Variants in EVI5 observed in about 807,000 individuals in gnomAD.
EVI5 encodes ecotropic viral integration site 5 protein homolog.
In EVI5, 73 loss-of-function variants were observed where a neutral mutation model predicts 112.0. The observed-to-expected ratio is 0.65, with a 90% CI of 0.54 to 0.79. The LOEUF is 0.79. Ranked by LOEUF, EVI5 falls within the 30% of genes least tolerant of loss-of-function variation. The pLI is 0.00. For missense variants in EVI5, 900 were observed against 968.8 expected (o/e 0.93, Z 0.94); for synonymous variants, 305 against 319.9 (o/e 0.95, Z 0.50).
chr1:92,771,855 C>A (rs976455056), intron 1 of EVI5, among the ~76,000 whole-genome samples: 21 of 151,696 alleles, frequency 1.4e-4, no homozygotes, highest in African/African-American at 4.3e-4. Flanking sequence ...CTAGAATACT[C>A]TTTTTATTAT....
chr1:92,735,781 T>C (rs1385858178), intron 2 of EVI5, among the ~76,000 whole-genome samples: 1 of 144,072 alleles, frequency 6.9e-6, no homozygotes, highest in Non-Finnish European at 1.5e-5. Flanking sequence ...ATATATAACA[T>C]ATTATAAAGT....
At chr1:92,539,317 C>T (rs1257347626) in intron 19 of EVI5, among the ~76,000 whole-genome samples, 2 of 152,136 alleles carry the variant, frequency 1.3e-5, no homozygotes, top group South Asian at 4.2e-4. Flanking sequence ...CCGAGGCGGG[C>T]GGATCACGAG....
chr1:92,590,346 C>A (rs1490910227), intron 18 of EVI5, among the ~76,000 whole-genome samples: 1 of 152,000 alleles, frequency 6.6e-6, no homozygotes, highest in African/African-American at 2.4e-5. Flanking sequence ...GAACCCATGG[C>A]AAAGAAGTTA....
At chr1:92,784,774 G>T (rs1400016571) in intron 1 of EVI5, 62 bp downstream of exon 1, 2 of 973,702 alleles carry the variant, frequency 2.1e-6, no homozygotes, top group Non-Finnish European at 2.4e-6. Context: ...TGCGCCAGCG[G>T]AACACGGACT....
chr1:92,708,305 A>T (rs1417893707), intron 2 of EVI5, among the ~76,000 whole-genome samples: 5 of 152,188 alleles, frequency 3.3e-5, no homozygotes, highest in African/African-American at 1.2e-4. Context: ...AACGTGATTT[A>T]AAAATGGACA....
chr1:92,647,481 T>C, intron 13 of EVI5: 1 of 461,074 alleles, frequency 2.2e-6, no homozygotes, highest in Non-Finnish European at 4.1e-6. Flanking sequence ...TAGGATTCTC[T>C]TTGCCAGACA....
intron 13 of EVI5, among the ~76,000 whole-genome samples, chr1:92,660,139 AG>A (rs1482629499): frequency 6.6e-6 from 1 of 152,018 alleles, no homozygotes; most frequent in Non-Finnish European, 1.5e-5. Context: ...TATACTATTC[AG>A]CTGATGGTTA....
chr1:92,744,733 T>C lies in EVI5; in HGVS notation c.-81-8106A>G, dbSNP rs187888373. 3.7e-3 allele frequency among the ~76,000 whole-genome samples: 565 copies of C among 152,098 alleles called. 1 individual carries two copies. Among genetic ancestry groups the C allele is most frequent in the Non-Finnish European group, 6.7e-3 (458 of 67,994 alleles). On this transcript the variant is annotated intron_variant, in intron 1 of 19. Transcript: ENST00000684568. Reference sequence around the variant, plus strand: ...GGCATTTCTCTTACATTCTTGAAAATACAACTTTGCATTTAAAAGGATGTT... The same window carrying C: ...GGCATTTCTCTTACATTCTTGAAAACACAACTTTGCATTTAAAAGGATGTT...
intron 9 of EVI5, among the ~76,000 whole-genome samples, chr1:92,684,639 T>C (rs1203934787): frequency 6.6e-6 from 1 of 151,928 alleles, no homozygotes; most frequent in African/African-American, 2.4e-5. Flanking sequence ...CCCATCAGTG[T>C]GCTGTATTCA....
chr1:92,695,187 T>A (rs1047728568), intron 7 of EVI5, 123 bp downstream of exon 7: 5 of 701,854 alleles, frequency 7.1e-6, no homozygotes, highest in Non-Finnish European at 1.2e-5. Context: ...AATGAGATTA[T>A]CCATGTAAGC....
intron 2 of EVI5, among the ~76,000 whole-genome samples, chr1:92,719,462 T>C (rs969470631): frequency 2.6e-5 from 4 of 152,040 alleles, no homozygotes; most frequent in African/African-American, 4.8e-5. Context: ...ATTATCTCAA[T>C]AGATGCAGAA....
At position 92,513,828 on chromosome 1, in the gene EVI5, C is replaced by A. The variant is rs146602523; in HGVS notation, c.2309G>T (p.Gly770Val). The A allele has an allele frequency of 6.2e-7, 1 of 1,613,660 alleles. No homozygotes were observed. The highest frequency in any genetic ancestry group is 1.3e-5 in the African/African-American group (1 of 74,918). Residue 770 changes from glycine (G) to valine (V), a missense_variant, in exon 20 of 20, where the codon GGT becomes GTT. Transcript: ENST00000684568. ...DFIDNSLQET[G>V]VGFPLHGKSG... is the part of the protein sequence containing the mutation. ...TTTTCCGTGCAAAGGAAAACCAACA[C>A]CAGTTTCCTGTAAGGAATTATCTAT...
intron 1 of EVI5, among the ~76,000 whole-genome samples, chr1:92,761,249 G>C (rs1274612306): frequency 6.6e-6 from 1 of 151,998 alleles, no homozygotes; most frequent in Non-Finnish European, 1.5e-5. Flanking sequence ...TGAATGACAG[G>C]TAATTATATC....
chr1:92,730,886 G>A (rs1186231376), intron 2 of EVI5, among the ~76,000 whole-genome samples: 1 of 152,042 alleles, frequency 6.6e-6, no homozygotes, highest in African/African-American at 2.4e-5. Context: ...ATCCAGATTG[G>A]AAAGAAGCAA....
At chr1:92,618,509 GTA>G (rs1270699905) in intron 16 of EVI5, among the ~76,000 whole-genome samples, 1 of 152,160 alleles carries the variant, frequency 6.6e-6, no homozygotes, top group African/African-American at 2.4e-5. Context: ...GTAAAGAAGA[GTA>G]TGCATGGAAT....
rs573812748 is a variant in EVI5 at position 92,561,456 on chromosome 1, T to G, written c.2166+2186A>C. The stretch of plus-strand genomic sequence containing the variant: ...CTGTTGATTAATTTTCTTTTCATGT[T>G]TGTATAAGGTAAGACTGCTTTCTTA... On this transcript the variant is annotated intron_variant, in intron 19 of 19. Transcript: ENST00000684568. Among the ~76,000 whole-genome samples, 489 of 152,254 alleles carry G rather than the reference T, an allele frequency of 3.2e-3. 3 individuals carry two copies. The highest frequency in any genetic ancestry group is 3.3e-3 in the Non-Finnish European group (225 of 68,034).
Position 92,657,771 on chromosome 1 carries a change from G to A in EVI5, c.1392+4948C>T, listed in dbSNP as rs141811533. 1.6e-4 allele frequency among the ~76,000 whole-genome samples: 25 copies of A among 152,330 alleles called. No homozygotes were observed. The East Asian group carries it at 3.9e-3, about 24-fold the overall frequency. On this transcript the variant is annotated intron_variant, in intron 13 of 19. Coordinates refer to ENST00000684568, the MANE Select transcript of EVI5 (RefSeq NM_001350197.2). ...AGAAAAGAGGTTTAATAGGCTTATG[G>A]TTCTGCAAGCTGTACAGGAAGCACT... is the stretch of plus-strand genomic sequence containing the variant.
At chr1:92,651,003 C>G (rs1437474305) in intron 13 of EVI5, among the ~76,000 whole-genome samples, 2 of 152,182 alleles carry the variant, frequency 1.3e-5, no homozygotes, top group African/African-American at 4.8e-5. Flanking sequence ...ACAGTAGCAC[C>G]TGCACAAACC....
chr1:92,652,231 C>A (rs886937170), intron 13 of EVI5, among the ~76,000 whole-genome samples: 1 of 152,132 alleles, frequency 6.6e-6, no homozygotes, highest in African/African-American at 2.4e-5. Context: ...ATGCTTAGTG[C>A]AATAAGCCAC....
Sources: allele counts gnomAD v4.1 joint callset (sites outside exome capture counted in the v4.1 genomes callset), GRCh38; gene constraint gnomAD v4.1.1; transcripts MANE v1.5; gene names NCBI Gene and HGNC (gene_info 2026-07-23, HGNC 2026-07-21).